Variants in C6 observed in about 807,000 individuals in gnomAD.
C6 encodes the protein complement C6.
A neutral mutation model predicts 112.9 loss-of-function variants in C6; 101 were observed. The observed-to-expected ratio is 0.89, with a 90% confidence interval of 0.76 to 1.06. The LOEUF is 1.06. Among genes scored for constraint, C6 ranks in the 50% least tolerant of loss-of-function variants. The pLI is 0.00. For missense variants in C6, 1,202 were observed against 1,104.6 expected, an observed-to-expected ratio of 1.09 and a Z score of -1.25; for synonymous variants, 431 against 384.1, an observed-to-expected ratio of 1.12 and a Z score of -1.43.
intron 1 of C6, among the ~76,000 whole-genome samples, chr5:41,230,803 G>A (rs541188859): frequency 8.5e-5 from 13 of 152,114 alleles, no homozygotes; most frequent in African/African-American, 3.1e-4. Flanking sequence ...AGGCCCAGCT[G>A]TAAAATTCCT....
chr5:41,227,144 T>C (rs1166365120), intron 1 of C6, among the ~76,000 whole-genome samples: 1 of 152,120 alleles, frequency 6.6e-6, no homozygotes. Context: ...TTGGTAATAG[T>C]CAATTTAACA....
intron 9 of C6, among the ~76,000 whole-genome samples, chr5:41,169,739 A>G (rs778410718): frequency 2.0e-5 from 3 of 152,236 alleles, no homozygotes; most frequent in Admixed American, 6.5e-5. Context: ...ACCAGATCTC[A>G]TAAGAACTCA....
At chr5:41,187,148 A>C in intron 5 of C6, among the ~76,000 whole-genome samples, 1 of 152,152 alleles carries the variant, frequency 6.6e-6, no homozygotes, top group East Asian at 1.9e-4. Flanking sequence ...GTGTAGTTCT[A>C]CAGAATATCA....
chr5:41,161,759 C>G lies in C6; in HGVS notation c.1392G>C (p.Leu464=), dbSNP rs749874403. Residue 464 remains leucine (L), a synonymous_variant, in exon 10 of 18, where the codon CTG becomes CTC. Transcript: ENST00000337836. The part of the protein sequence containing the change: ...ALAWEKGSSG[L]EEKTFSEWLE... The stretch of plus-strand genomic sequence containing the variant: ...ACCACTCAGAAAATGTCTTCTCCTC[C>G]AGACCAGAGCTCCCTTTCTCCCATG... 3.1e-6 allele frequency: 5 copies of G among 1,613,544 alleles called. No homozygotes were observed. Among genetic ancestry groups the G allele is most frequent in the Non-Finnish European group, 4.2e-6 (5 of 1,179,686 alleles).
chr5:41,260,932 A>G (rs1380648931), intron 1 of C6, among the ~76,000 whole-genome samples: 1 of 152,244 alleles, frequency 6.6e-6, no homozygotes. Context: ...TTACACTTCA[A>G]TTAGTAATGA....
At chr5:41,252,703 T>C (rs1741442199) in intron 1 of C6, among the ~76,000 whole-genome samples, 1 of 152,314 alleles carries the variant, frequency 6.6e-6, no homozygotes, top group Middle Eastern at 3.4e-3. Flanking sequence ...GTTTGATACC[T>C]TTTAAGTTCT....
intron 1 of C6, among the ~76,000 whole-genome samples, chr5:41,239,111 C>CTTTTTTTTTT (rs34322889): frequency 1.8e-4 from 22 of 121,630 alleles, no homozygotes; most frequent in Non-Finnish European, 3.5e-4. Context: ...TCTTTTCTTT[C>CTTTTTTTTTT]TTTTTTTTTT....
At chr5:41,196,245 G>C (rs893484694) in intron 4 of C6, among the ~76,000 whole-genome samples, 2 of 151,778 alleles carry the variant, frequency 1.3e-5, no homozygotes, top group African/African-American at 2.4e-5. Context: ...ATTAACAAGA[G>C]GTTCAGAATT....
chr5:41,175,641 A>G (rs1748778396), intron 8 of C6, among the ~76,000 whole-genome samples: 1 of 152,224 alleles, frequency 6.6e-6, no homozygotes, highest in African/African-American at 2.4e-5. Context: ...CTCTGAATGC[A>G]TGAGGATTAT....
In C6 at chr5:41,202,119, G is replaced by A. The variant is rs1184187619; in HGVS notation, c.144-405C>T. On this transcript the variant is annotated intron_variant, in intron 2 of 17. Coordinates refer to ENST00000337836, the MANE Select transcript of C6 (RefSeq NM_000065.5). Reference sequence around the variant, plus strand: ...GAAAGATCCTGCAAACTGCTTGGAGGAGGACAACATAGGGGGCTGTGAGGC... The same window carrying A: ...GAAAGATCCTGCAAACTGCTTGGAGAAGGACAACATAGGGGGCTGTGAGGC... Among the ~76,000 whole-genome samples the A allele has an allele frequency of 2.0e-5, 3 of 152,270 alleles. No individual in the cohort carries two copies. The East Asian group carries it at 5.8e-4, about 30-fold the overall frequency.
intron 17 of C6, 124 bp from the exon 18 acceptor site, chr5:41,143,130 C>T: frequency 1.2e-6 from 1 of 820,544 alleles, no homozygotes; most frequent in Non-Finnish European, 2.0e-6. Context: ...CTAAAGCTTT[C>T]TCTAATGAAT....
chr5:41,151,002 C>A (rs1746342369), intron 15 of C6, among the ~76,000 whole-genome samples: 1 of 151,866 alleles, frequency 6.6e-6, no homozygotes, highest in Non-Finnish European at 1.5e-5. Context: ...AGGTAGGTGT[C>A]TGGTAGGCTG....
At chr5:41,220,069 G>C (rs1294198383) in intron 1 of C6, among the ~76,000 whole-genome samples, 1 of 152,132 alleles carries the variant, frequency 6.6e-6, no homozygotes, top group African/African-American at 2.4e-5. Flanking sequence ...TTTTATTAAT[G>C]ATGACAAGAA....
chr5:41,230,298 G>T (rs192535245), intron 1 of C6, among the ~76,000 whole-genome samples: 115 of 152,172 alleles, frequency 7.6e-4, no homozygotes, highest in Middle Eastern at 3.4e-3. Flanking sequence ...CTTGCAGAGA[G>T]CCTATAAACA....
At chr5:41,240,916 G>A (rs1740666626) in intron 1 of C6, among the ~76,000 whole-genome samples, 2 of 152,170 alleles carry the variant, frequency 1.3e-5, no homozygotes, top group Non-Finnish European at 2.9e-5. Flanking sequence ...TCTCCAAATT[G>A]CGTGCTCGGA....
At chr5:41,253,335 C>T (rs1741479556) in intron 1 of C6, among the ~76,000 whole-genome samples, 1 of 152,230 alleles carries the variant, frequency 6.6e-6, no homozygotes, top group Middle Eastern at 3.4e-3. Context: ...CTGACTGATA[C>T]TCACCCAAAG....
At chr5:41,249,450 A>G (rs1319790358) in intron 1 of C6, among the ~76,000 whole-genome samples, 2 of 152,186 alleles carry the variant, frequency 1.3e-5, no homozygotes, top group Non-Finnish European at 2.9e-5. Flanking sequence ...TTGCTCCTAT[A>G]GATATCCAAC....
Position 41,203,165 on chromosome 5 carries a change from G to T in C6, c.66C>A (p.Cys22Ter). Residue 22 changes from cysteine (C) to a stop codon, truncating the protein, a stop_gained, in exon 2 of 18, where the codon TGC becomes TGA. Transcript: ENST00000337836. LOFTEE classifies it high-confidence loss of function. ...GAGTCCATGCATAGTGATCACAGAA[G>T]CAGGCTTGGCCCTTGTTGATCAGAG... is the stretch of plus-strand genomic sequence containing the variant. Reference protein sequence around the residue: ...LNALINKGQACFCDHYAWTQW... With the variant: ...LNALINKGQA The T allele has an allele frequency of 6.2e-7, 1 of 1,614,132 alleles. No individual in the cohort carries two copies. The highest frequency in any genetic ancestry group is 2.2e-5 in the East Asian group (1 of 44,876).
chr5:41,202,544 CAT>C (rs1440091990), intron 2 of C6, among the ~76,000 whole-genome samples: 1 of 152,152 alleles, frequency 6.6e-6, no homozygotes, highest in Non-Finnish European at 1.5e-5. Flanking sequence ...TCTCCCCTAA[CAT>C]GTGAGCATTT....
Sources: allele counts gnomAD v4.1 joint callset (sites outside exome capture counted in the v4.1 genomes callset), GRCh38; gene constraint gnomAD v4.1.1; transcripts MANE v1.5; gene names NCBI Gene and HGNC (gene_info 2026-07-23, HGNC 2026-07-21).